The following MARS1 variants were observed in gnomAD, a reference collection of about 807,000 sequenced individuals.
The protein encoded by MARS1 is methionyl-tRNA synthetase 1, also known as methionine--tRNA ligase, cytoplasmic.
Under a neutral mutation model 119.5 loss-of-function variants are expected in MARS1, and 80 were observed. The ratio of observed to expected loss-of-function variants is 0.67; its 90% CI spans 0.56 to 0.81. MARS1 has a LOEUF of 0.81. MARS1 is among the 30% of genes least tolerant of loss of function. The pLI, the probability that MARS1 is intolerant of heterozygous loss-of-function variation, is 0.00. For missense variants in MARS1, 945 were observed against 1,116.5 expected, an observed-to-expected ratio of 0.85 and a Z score of 2.19; for synonymous variants, 418 against 433.4, an observed-to-expected ratio of 0.96 and a Z score of 0.44.
In MARS1 at chr12:57,507,683, CGGG is replaced by C; in HGVS notation, c.1368+3385_1368+3387del. ...TCTGGCCCCCCACCTCCCTCCCGGA[CGGG>C]ACGGCTGGCCGGGCGGGGGTCTGGC... is the stretch of plus-strand genomic sequence containing the variant. On this transcript the variant is annotated intron_variant, in intron 11 of 20. Coordinates refer to ENST00000262027, the MANE Select transcript of MARS1 (RefSeq NM_004990.4). Among the ~76,000 whole-genome samples, 16 of 106,282 alleles carry C rather than the reference CGGG, an allele frequency of 1.5e-4. 1 individual carries two copies. Among genetic ancestry groups the C allele is most frequent in the African/African-American group, 3.8e-4 (12 of 31,370 alleles). 69.7% of individuals were successfully genotyped at this position (106,282 alleles called of 152,430 possible). A position where few individuals can be genotyped will look rare whatever the true frequency, so the allele number is the denominator to read the frequency against.
chr12:57,493,814 ATTATATATATTATATTATATAT>A (rs1876370627), intron 7 of MARS1, among the ~76,000 whole-genome samples: 2 of 1,146 alleles, frequency 1.7e-3, no homozygotes, highest in African/African-American at 2.6e-3. Flanking sequence ...TATAATGTAT[ATTATATATATTATATTATATAT>A]TATAATATAT....
intron 11 of MARS1, among the ~76,000 whole-genome samples, chr12:57,508,794 T>A (rs1377001505): frequency 6.6e-6 from 1 of 152,150 alleles, no homozygotes; most frequent in African/African-American, 2.4e-5. Flanking sequence ...ACTTCTGACC[T>A]CAAATGATTC....
Position 57,516,326 on chromosome 12 carries a change from G to A in MARS1, c.2545G>A (p.Val849Met). Residue 849 changes from valine to methionine, a missense_variant, in exon 20 of 21, where the codon GTG becomes ATG. Transcript: ENST00000262027. ...PQQIQALMDE[V>M]TKQGNIVREL... ...GCAGATACAAGCGCTGATGGATGAA[G>A]TGACAAAACAAGTATGAAGCTTAAG... is the stretch of plus-strand genomic sequence containing the variant. The A allele has an allele frequency of 3.7e-6, 6 of 1,614,200 alleles. No homozygotes were observed. The highest frequency in any genetic ancestry group is 1.1e-5 in the South Asian group (1 of 91,082).
intron 7 of MARS1, among the ~76,000 whole-genome samples, chr12:57,493,435 ATAT>A (rs1250194678): frequency 4.1e-4 from 1 of 2,450 alleles, no homozygotes; most frequent in African/African-American, 5.1e-4. Flanking sequence ...TATGTATAAT[ATAT>A]TACATAATAT....
chr12:57,499,074 A>G (rs1876785073), intron 9 of MARS1, among the ~76,000 whole-genome samples: 1 of 149,606 alleles, frequency 6.7e-6, no homozygotes, highest in African/African-American at 2.5e-5. Flanking sequence ...ACCGGAGGTC[A>G]GGAGTTCAAG....
intron 7 of MARS1, among the ~76,000 whole-genome samples, chr12:57,493,841 AT>A (rs1269722842): frequency 2.8e-4 from 1 of 3,622 alleles, no homozygotes; most frequent in African/African-American, 3.1e-4. Flanking sequence ...ATATATTATA[AT>A]ATATAATATA....
intron 7 of MARS1, among the ~76,000 whole-genome samples, chr12:57,495,820 G>A (rs1158765849): frequency 6.6e-6 from 1 of 151,660 alleles, no homozygotes; most frequent in African/African-American, 2.4e-5. Context: ...CCAACACGGC[G>A]AAACCCCGTC....
intron 5 of MARS1, 94 bp from the exon 6 acceptor site, chr12:57,490,113 C>T: frequency 2.7e-6 from 4 of 1,485,980 alleles, no homozygotes; most frequent in Admixed American, 1.8e-5. Flanking sequence ...CTGGGGAAAG[C>T]AACTGGAGAA....
chr12:57,512,144 C>G (rs766761732), intron 13 of MARS1, 41 bp downstream of exon 13: 16 of 1,604,268 alleles, frequency 1.0e-5, no homozygotes, highest in African/African-American at 1.3e-5. Flanking sequence ...GGAGGGTAGG[C>G]GGTAGGGTGT....
chr12:57,512,749 A>G lies in MARS1; in HGVS notation c.1754-2A>G. On this transcript the variant is annotated splice_acceptor_variant, in intron 14 of 20. Transcript: ENST00000262027. LOFTEE classifies it high-confidence loss of function. ...GGTTCTCACTCATTCTCCTCTGTCCAGAGTACCTGAACTATGAGGATGGGA... is the reference window on the plus strand; with the variant it reads ...GGTTCTCACTCATTCTCCTCTGTCCGGAGTACCTGAACTATGAGGATGGGA... 6.2e-7 allele frequency: 1 copy of G among 1,612,774 alleles called. No individual in the cohort carries two copies. The highest frequency in any genetic ancestry group is 8.5e-7 in the Non-Finnish European group (1 of 1,178,734).
At chr12:57,516,373 C>T in intron 20 of MARS1, 36 bp downstream of exon 20, 3 of 1,613,046 alleles carry the variant, frequency 1.9e-6, no homozygotes, top group Non-Finnish European at 2.5e-6. Context: ...ACTGGACAAG[C>T]TGAATCCTAA....
chr12:57,495,103 C>T (rs1337197580), intron 7 of MARS1, among the ~76,000 whole-genome samples: 1 of 147,864 alleles, frequency 6.8e-6, no homozygotes, highest in Admixed American at 6.7e-5. Context: ...TGCCCCCCCA[C>T]CTCCCGGGCT....
Position 57,508,107 on chromosome 12 carries a change from G to A in MARS1, c.1369-3591G>A, listed in dbSNP as rs544102319. Among the ~76,000 whole-genome samples the A allele has an allele frequency of 5.9e-5, 9 of 152,218 alleles. No individual in the cohort carries two copies. The South Asian group carries it at 1.9e-3, about 32-fold the overall frequency. Reference sequence around the variant, plus strand: ...TCCTCACTTCCTAGATGGGATGGCAGCTGGGAAGAGGCGCTCCTCACTTCC... The same window carrying A: ...TCCTCACTTCCTAGATGGGATGGCAACTGGGAAGAGGCGCTCCTCACTTCC... On this transcript the variant is annotated intron_variant, in intron 11 of 20. Coordinates refer to ENST00000262027, the MANE Select transcript of MARS1 (RefSeq NM_004990.4).
rs1350475434 is a variant in MARS1 at position 57,488,453 on chromosome 12, C to A, written c.109+254C>A. 5 of 1,020,414 alleles carry A rather than the reference C, an allele frequency of 4.9e-6. No homozygotes were observed. In the East Asian group the frequency reaches 7.8e-5, roughly 16 times the overall value. 63.2% of individuals were successfully genotyped at this position (1,020,414 alleles called of 1,614,324 possible). A position where few individuals can be genotyped will look rare whatever the true frequency, so the allele number is the denominator to read the frequency against. On this transcript the variant is annotated intron_variant, in intron 1 of 20. Coordinates refer to ENST00000262027, the MANE Select transcript of MARS1 (RefSeq NM_004990.4). ...CCGTCTTCCCGGTCCCCGCCTCACC[C>A]CAGTAAACTGCTCTTCCCTTCCCAA...
chr12:57,505,328 A>G (rs1311383986), intron 11 of MARS1, among the ~76,000 whole-genome samples: 2 of 151,434 alleles, frequency 1.3e-5, no homozygotes. Flanking sequence ...TGCCTGGCTA[A>G]TTTTTGTATT....
At chr12:57,506,581 G>A (rs979206490) in intron 11 of MARS1, among the ~76,000 whole-genome samples, 13 of 152,176 alleles carry the variant, frequency 8.5e-5, no homozygotes, top group Non-Finnish European at 1.6e-4. Flanking sequence ...CCTTCACTGG[G>A]AATCTTAATT....
At chr12:57,505,198 G>A (rs1251868346) in intron 11 of MARS1, among the ~76,000 whole-genome samples, 4 of 145,266 alleles carry the variant, frequency 2.8e-5, no homozygotes, top group African/African-American at 1.0e-4. Context: ...CTTCTCTCTT[G>A]TTGCCCACAC....
intron 18 of MARS1, chr12:57,515,563 A>G (rs1036020912): frequency 1.5e-5 from 9 of 588,162 alleles, no homozygotes; most frequent in Non-Finnish European, 2.4e-5. Flanking sequence ...ACTGGTAAAC[A>G]GATATTTGAA....
intron 11 of MARS1, 142 bp from the exon 12 acceptor site, chr12:57,511,556 C>T (rs1001591589): frequency 3.9e-6 from 3 of 772,588 alleles, no homozygotes; most frequent in Non-Finnish European, 6.3e-6. Context: ...GCACTCTAGT[C>T]TGGGCAACAG....
Sources: allele counts gnomAD v4.1 joint callset (sites outside exome capture counted in the v4.1 genomes callset), GRCh38; gene constraint gnomAD v4.1.1; transcripts MANE v1.5; gene names NCBI Gene and HGNC (gene_info 2026-07-23, HGNC 2026-07-21).